Variants in FSTL4 observed in about 807,000 individuals in gnomAD.
The protein encoded by FSTL4 is follistatin-related protein 4.
In FSTL4, 28 loss-of-function variants were observed where a neutral mutation model predicts 78.2. The ratio of observed to expected loss-of-function variants is 0.36; its 90% CI spans 0.27 to 0.49. The LOEUF (loss-of-function observed/expected upper bound fraction) is 0.49. Among genes scored for constraint, FSTL4 ranks in the 20% least tolerant of loss-of-function variants. The pLI, the probability that FSTL4 is intolerant of heterozygous loss-of-function variation, is 0.98. For missense variants in FSTL4, 922 were observed against 1,084.9 expected, an observed-to-expected ratio of 0.85 and a Z score of 2.11; for synonymous variants, 422 against 440.5, an observed-to-expected ratio of 0.96 and a Z score of 0.53.
Position 133,446,279 on chromosome 5 carries a change from A to T in FSTL4, c.161-45293T>A, listed in dbSNP as rs180769679. On this transcript the variant is annotated intron_variant, in intron 3 of 15. Coordinates refer to ENST00000265342, the MANE Select transcript of FSTL4 (RefSeq NM_015082.2). ...ACATGGCGAAACCCTGTCTCTACTA[A>T]AAACACAAAAATTAGCCGGGCGTGC... Among the ~76,000 whole-genome samples the T allele has an allele frequency of 2.9e-3, 435 of 152,322 alleles. 1 individual carries two copies. Among genetic ancestry groups the T allele is most frequent in the South Asian group, 0.016 (75 of 4,826 alleles).
At chr5:133,717,129 C>A in the FSTL4 span, among the ~76,000 whole-genome samples, 6 of 152,202 alleles carry the variant, frequency 3.9e-5, no homozygotes, top group Non-Finnish European at 5.9e-5. Flanking sequence ...ACTAGTTAAA[C>A]GTTAGAAGCA....
At chr5:133,370,036 G>A (rs991265996) in intron 4 of FSTL4, among the ~76,000 whole-genome samples, 2 of 152,012 alleles carry the variant, frequency 1.3e-5, no homozygotes, top group South Asian at 2.1e-4. Flanking sequence ...GCATCCTACT[G>A]GATTCCAATC....
the FSTL4 span, among the ~76,000 whole-genome samples, chr5:133,653,987 G>A: frequency 1.3e-5 from 2 of 152,144 alleles, no homozygotes; most frequent in African/African-American, 2.4e-5. Flanking sequence ...TTTCCTCATC[G>A]GCTTCTGTTC....
At chr5:133,448,699 G>T (rs1248188352) in intron 3 of FSTL4, among the ~76,000 whole-genome samples, 1 of 132,428 alleles carries the variant, frequency 7.6e-6, no homozygotes, top group Non-Finnish European at 1.6e-5. Context: ...AGCTCCCAAG[G>T]TCAGACAGTG....
In FSTL4 at chr5:133,498,998, T is replaced by TACACACACACACACAC. The variant is rs142906885; in HGVS notation, c.160+68172_160+68187dup. ...CACCATGTTTTCATCAGCAACAAAT[T>TACACACACACACACAC]ACACACACACACACACACACACACA... On this transcript the variant is annotated intron_variant, in intron 3 of 15. Coordinates refer to ENST00000265342, the MANE Select transcript of FSTL4 (RefSeq NM_015082.2). Among the ~76,000 whole-genome samples the TACACACACACACACAC allele has an allele frequency of 2.4e-4, 35 of 147,078 alleles. No individual in the cohort carries two copies. The East Asian group carries it at 4.3e-3, about 18-fold the overall frequency.
chr5:133,240,687 C>CGCATGACTCATCTCTTTGT, intron 7 of FSTL4, among the ~76,000 whole-genome samples: 1 of 152,168 alleles, frequency 6.6e-6, no homozygotes, highest in Non-Finnish European at 1.5e-5. Context: ...CATCTCTTCG[C>CGCATGACTCATCTCTTTGT]GCATGACTCA....
At chr5:133,781,365 T>TTG in the FSTL4 span, among the ~76,000 whole-genome samples, 281 of 143,390 alleles carry the variant, frequency 2.0e-3, no homozygotes, top group Admixed American at 3.0e-3. Context: ...TGTTAAGCGG[T>TTG]TGTGTGTGTG....
At chr5:133,428,914 A>C (rs1206298515) in intron 3 of FSTL4, among the ~76,000 whole-genome samples, 2 of 152,226 alleles carry the variant, frequency 1.3e-5, no homozygotes, top group Non-Finnish European at 2.9e-5. Context: ...TGCAAATGTC[A>C]TCATCCTAAG....
the FSTL4 span, among the ~76,000 whole-genome samples, chr5:133,825,776 G>A: frequency 6.6e-6 from 1 of 152,204 alleles, no homozygotes; most frequent in Non-Finnish European, 1.5e-5. Context: ...CTGTCTGACA[G>A]CCCATTAGCT....
At chr5:133,239,630 T>C (rs560670030) in intron 7 of FSTL4, among the ~76,000 whole-genome samples, 2 of 151,532 alleles carry the variant, frequency 1.3e-5, no homozygotes, top group South Asian at 2.1e-4. Context: ...GCTAAGGGAT[T>C]GTAAATACAC....
intron 3 of FSTL4, among the ~76,000 whole-genome samples, chr5:133,566,306 T>C (rs1760025645): frequency 6.6e-6 from 1 of 152,208 alleles, no homozygotes; most frequent in Non-Finnish European, 1.5e-5. Flanking sequence ...TTTTGCTGTG[T>C]TGCATAACAC....
chr5:133,728,751 G>A, the FSTL4 span, among the ~76,000 whole-genome samples: 1 of 152,062 alleles, frequency 6.6e-6, no homozygotes, highest in African/African-American at 2.4e-5. Context: ...AAATAAAAGA[G>A]GTAGGGAGAG....
the FSTL4 span, among the ~76,000 whole-genome samples, chr5:133,781,226 G>A: frequency 2.0e-5 from 3 of 152,102 alleles, no homozygotes; most frequent in Non-Finnish European, 4.4e-5. Context: ...CTATTTGGTG[G>A]CCCAGCTGGG....
the FSTL4 span, among the ~76,000 whole-genome samples, chr5:133,732,897 G>A: frequency 3.9e-5 from 6 of 152,198 alleles, no homozygotes; most frequent in African/African-American, 1.4e-4. Context: ...GATGGATGCT[G>A]CCGGCTTTGA....
chr5:133,653,048 G>C, the FSTL4 span, among the ~76,000 whole-genome samples: 6 of 152,106 alleles, frequency 3.9e-5, no homozygotes, highest in Non-Finnish European at 7.4e-5. Flanking sequence ...TCAGCCAAAC[G>C]CTGCATTAGG....
intron 12 of FSTL4, among the ~76,000 whole-genome samples, chr5:133,218,184 ACCTTACAAT>A (rs1275636718): frequency 6.6e-6 from 1 of 152,090 alleles, no homozygotes; most frequent in Admixed American, 6.5e-5. Context: ...ATAGGCCAAA[ACCTTACAAT>A]CTAGTGAAGT....
chr5:133,259,706 G>T (rs1405728855), intron 6 of FSTL4, among the ~76,000 whole-genome samples: 1 of 151,924 alleles, frequency 6.6e-6, no homozygotes, highest in Non-Finnish European at 1.5e-5. Context: ...AAATGCAGGG[G>T]GACCATTTAG....
intron 2 of FSTL4, among the ~76,000 whole-genome samples, chr5:133,581,838 T>A (rs1386841217): frequency 6.6e-6 from 1 of 152,246 alleles, no homozygotes; most frequent in East Asian, 1.9e-4. Flanking sequence ...ACCACTGGGT[T>A]AATCATGCAT....
chr5:133,221,705 G>T (rs1196206076), intron 11 of FSTL4, among the ~76,000 whole-genome samples: 6 of 151,996 alleles, frequency 3.9e-5, no homozygotes, highest in African/African-American at 1.2e-4. Flanking sequence ...CTATAAAGGG[G>T]GAACAAGGTA....
Sources: gnomAD v4.1 joint callset for allele counts (sites outside exome capture counted in the v4.1 genomes callset) on GRCh38, gnomAD v4.1.1 for gene constraint, MANE v1.5 for transcripts, NCBI Gene and HGNC (gene_info 2026-07-23, HGNC 2026-07-21) for gene names.